GALNT13: variants seen among roughly 807,000 people sequenced by gnomAD.
The protein encoded by GALNT13 is UDP-GalNAc:polypeptide N-acetylgalactosaminyltransferase 13.
Under a neutral mutation model 64.2 loss-of-function variants are expected in GALNT13, and 28 were observed. That is an observed-to-expected ratio of 0.44 (90% CI 0.32 to 0.60). The LOEUF is 0.60. Ranked by LOEUF, GALNT13 falls within the 20% of genes least tolerant of loss-of-function variation. GALNT13 has a pLI of 0.05. For missense variants in GALNT13, 577 were observed against 669.8 expected, an observed-to-expected ratio of 0.86 and a Z score of 1.53; for synonymous variants, 214 against 224.6, an observed-to-expected ratio of 0.95 and a Z score of 0.42.
intron 2 of GALNT13, among the ~76,000 whole-genome samples, chr2:153,920,945 G>C (rs1195307324): frequency 6.6e-6 from 1 of 152,134 alleles, no homozygotes; most frequent in African/African-American, 2.4e-5. Flanking sequence ...ACAGCAGTCA[G>C]AATGGCTATT....
At chr2:153,469,237 C>T in the GALNT13 span, among the ~76,000 whole-genome samples, 1 of 152,084 alleles carries the variant, frequency 6.6e-6, no homozygotes, top group African/African-American at 2.4e-5. Context: ...AACACTGTGC[C>T]TCCAGCCTCA....
chr2:153,391,615 C>T, the GALNT13 span, among the ~76,000 whole-genome samples: 1 of 151,966 alleles, frequency 6.6e-6, no homozygotes, highest in African/African-American at 2.4e-5. Flanking sequence ...GATTTTAAAA[C>T]CAAGTCCTTT....
chr2:153,261,558 G>A, the GALNT13 span, among the ~76,000 whole-genome samples: 1 of 152,138 alleles, frequency 6.6e-6, no homozygotes, highest in Non-Finnish European at 1.5e-5. Context: ...GTTCTGAAAT[G>A]CCTGGATCTG....
At chr2:154,192,215 C>A (rs185968779) in intron 4 of GALNT13, among the ~76,000 whole-genome samples, 1 of 152,312 alleles carries the variant, frequency 6.6e-6, no homozygotes, top group East Asian at 1.9e-4. Flanking sequence ...TTATCTTCTT[C>A]TGTCAGTGTG....
the GALNT13 span, among the ~76,000 whole-genome samples, chr2:153,578,713 C>T: frequency 1.3e-5 from 2 of 152,134 alleles, no homozygotes; most frequent in African/African-American, 2.4e-5. Flanking sequence ...TGCAGAGTTC[C>T]AGGGACTGAA....
At chr2:153,137,282 A>T in the GALNT13 span, among the ~76,000 whole-genome samples, 1 of 152,098 alleles carries the variant, frequency 6.6e-6, no homozygotes, top group South Asian at 2.1e-4. Context: ...AAGCAACTTG[A>T]TATTTCTTAT....
chr2:153,505,219 A>G, the GALNT13 span, among the ~76,000 whole-genome samples: 2 of 151,960 alleles, frequency 1.3e-5, no homozygotes, highest in Admixed American at 6.6e-5. Flanking sequence ...TGGTATCAGT[A>G]TATCCCATTT....
the GALNT13 span, among the ~76,000 whole-genome samples, chr2:153,245,308 T>A: frequency 6.6e-6 from 1 of 152,182 alleles, no homozygotes. Context: ...GACTGCCTCC[T>A]CAATGGGTCC....
intron 3 of GALNT13, among the ~76,000 whole-genome samples, chr2:154,033,379 A>G (rs1698461968): frequency 6.6e-6 from 1 of 152,088 alleles, no homozygotes; most frequent in Non-Finnish European, 1.5e-5. Flanking sequence ...TGGGAAGCAA[A>G]CCACAGACTG....
chr2:154,367,978 TA>T (rs1697465922), intron 9 of GALNT13, among the ~76,000 whole-genome samples: 1 of 152,158 alleles, frequency 6.6e-6, no homozygotes, highest in African/African-American at 2.4e-5. Context: ...TATAGTTGAA[TA>T]AAAATATGTA....
intron 9 of GALNT13, among the ~76,000 whole-genome samples, chr2:154,361,742 T>G (rs1697080310): frequency 6.6e-6 from 1 of 152,086 alleles, no homozygotes; most frequent in Admixed American, 6.6e-5. Context: ...TTTCTGGGCC[T>G]TTGAATGTCA....
chr2:154,278,649 A>T (rs1229275589), intron 8 of GALNT13, among the ~76,000 whole-genome samples: 1 of 152,194 alleles, frequency 6.6e-6, no homozygotes, highest in East Asian at 1.9e-4. Context: ...AAAAACTTAG[A>T]AAGTTATGGT....
At chr2:153,116,349 G>T in the GALNT13 span, among the ~76,000 whole-genome samples, 6 of 152,052 alleles carry the variant, frequency 3.9e-5, no homozygotes, top group African/African-American at 7.2e-5. Flanking sequence ...TTAATGAACG[G>T]ACTGGAACAT....
chr2:154,132,894 CAAA>C, intron 3 of GALNT13, among the ~76,000 whole-genome samples: 1 of 132,514 alleles, frequency 7.5e-6, no homozygotes, highest in Admixed American at 8.0e-5. Flanking sequence ...GACTCTGTCT[CAAA>C]AAAAAAAAAA....
the GALNT13 span, among the ~76,000 whole-genome samples, chr2:153,119,717 T>A: frequency 6.6e-6 from 1 of 152,308 alleles, no homozygotes; most frequent in South Asian, 2.1e-4. Flanking sequence ...TAGTACCCTT[T>A]GGGAGCAGCC....
chr2:153,223,079 C>T, the GALNT13 span, among the ~76,000 whole-genome samples: 1 of 152,216 alleles, frequency 6.6e-6, no homozygotes, highest in African/African-American at 2.4e-5. Context: ...GCCGCCGCTG[C>T]CGTCATTTAA....
At chr2:153,609,330 T>G in the GALNT13 span, among the ~76,000 whole-genome samples, 3 of 152,174 alleles carry the variant, frequency 2.0e-5, no homozygotes, top group Admixed American at 6.6e-5. Context: ...TCTAAGTGTG[T>G]TGAGCTCTAA....
At chr2:153,228,144 G>A in the GALNT13 span, among the ~76,000 whole-genome samples, 73 of 152,178 alleles carry the variant, frequency 4.8e-4, no homozygotes, top group Admixed American at 2.6e-3. Context: ...AGTTAAGCAT[G>A]CATGTGGCAG....
intron 3 of GALNT13, among the ~76,000 whole-genome samples, chr2:153,998,849 C>A (rs1304936966): frequency 2.0e-5 from 3 of 152,080 alleles, no homozygotes; most frequent in African/African-American, 7.2e-5. Context: ...TTTCAGTTTT[C>A]TGCATATGGT....
Sources: allele counts gnomAD v4.1 joint callset (sites outside exome capture counted in the v4.1 genomes callset), GRCh38; gene constraint gnomAD v4.1.1; transcripts MANE v1.5; gene names NCBI Gene and HGNC (gene_info 2026-07-23, HGNC 2026-07-21).